The following GC variants were observed in gnomAD, a reference collection of about 807,000 sequenced individuals.
The protein encoded by GC is GC vitamin D binding protein, also known as vitamin D-binding protein.
A neutral mutation model predicts 56.7 loss-of-function variants in GC; 43 were observed. That is an observed-to-expected ratio of 0.76 (90% CI 0.59 to 0.98). The LOEUF (loss-of-function observed/expected upper bound fraction) is 0.98, where lower values mean the gene tolerates loss of function less well. GC is among the 50% of genes least tolerant of loss of function. GC has a pLI of 0.00. For synonymous variants in GC, 216 were observed against 202.7 expected (o/e 1.07, Z -0.56); for missense variants, 529 against 545.9 (o/e 0.97, Z 0.31).
At chr4:71,749,678 TTTAA>T (rs1417228871) in intron 11 of GC, among the ~76,000 whole-genome samples, 1 of 152,198 alleles carries the variant, frequency 6.6e-6, no homozygotes, top group Non-Finnish European at 1.5e-5. Flanking sequence ...AACTGTTCAA[TTTAA>T]TTAATTATTT....
chr4:71,744,026 AATTTC>A (rs555055037), intron 12 of GC, among the ~76,000 whole-genome samples: 12 of 152,292 alleles, frequency 7.9e-5, no homozygotes, highest in Admixed American at 2.0e-4. Flanking sequence ...AATGATAAGA[AATTTC>A]ATTTCTTCAT....
At chr4:71,803,978 C>T in exon 1 of GC, 2 of 1,407,144 alleles carry the variant, frequency 1.4e-6, no homozygotes, top group East Asian at 5.0e-5. Flanking sequence ...CAGATCATCA[C>T]CAGTGGTAGA....
At chr4:71,773,509 G>C (rs1439662468) in intron 1 of GC, among the ~76,000 whole-genome samples, 2 of 151,956 alleles carry the variant, frequency 1.3e-5, no homozygotes, top group Non-Finnish European at 2.9e-5. Context: ...ACTTACAATG[G>C]AACCCAAAAT....
At chr4:71,747,105 A>G (rs1356205132) in intron 11 of GC, among the ~76,000 whole-genome samples, 1 of 152,156 alleles carries the variant, frequency 6.6e-6, no homozygotes, top group Non-Finnish European at 1.5e-5. Context: ...GAGTCACTAA[A>G]TTTTCATCGT....
intron 1 of GC, among the ~76,000 whole-genome samples, chr4:71,770,903 C>T (rs1489855178): frequency 6.6e-6 from 1 of 152,148 alleles, no homozygotes; most frequent in Admixed American, 6.6e-5. Context: ...ATTCACGCTA[C>T]AGGGAAGAGC....
At chr4:71,741,965 A>G in intron 12 of GC, 95 bp from the exon 13 acceptor site, 1 of 696,046 alleles carries the variant, frequency 1.4e-6, no homozygotes, top group Non-Finnish European at 2.6e-6. Context: ...AACTCATGCT[A>G]TTTTAATATT....
chr4:71,790,243 A>C (rs1251702554), intron 1 of GC, among the ~76,000 whole-genome samples: 1 of 152,012 alleles, frequency 6.6e-6, no homozygotes, highest in Non-Finnish European at 1.5e-5. Flanking sequence ...TTTTGCCATT[A>C]CTTACAATGG....
intron 1 of GC, among the ~76,000 whole-genome samples, chr4:71,783,424 G>A (rs1206742714): frequency 6.6e-6 from 1 of 151,668 alleles, no homozygotes; most frequent in Non-Finnish European, 1.5e-5. Context: ...TTGTGGTTAT[G>A]TTTCATAGCT....
chr4:71,796,424 G>A (rs962374435), intron 1 of GC, among the ~76,000 whole-genome samples: 19 of 152,036 alleles, frequency 1.2e-4, no homozygotes, highest in African/African-American at 3.1e-4. Flanking sequence ...ATCTTCAATC[G>A]CTGATATCCT....
intron 12 of GC, among the ~76,000 whole-genome samples, chr4:71,745,831 A>G (rs1369761449): frequency 6.6e-6 from 1 of 152,118 alleles, no homozygotes; most frequent in Admixed American, 6.6e-5. Context: ...CTTTAAACTC[A>G]GAGTTCTTCC....
chr4:71,770,907 G>A lies in GC; in HGVS notation c.59-1507C>T, dbSNP rs16846994. 0.015 allele frequency among the ~76,000 whole-genome samples: 2,351 copies of A among 152,222 alleles called. 100 individuals carry two copies. The East Asian group carries it at 0.16, about 10-fold the overall frequency. On this transcript the variant is annotated intron_variant, in intron 1 of 12. Transcript: ENST00000273951. ...CTCTTGAGTTCATTCACGCTACAGG[G>A]AAGAGCTAGTTACTAATCATGAGAC... is the stretch of plus-strand genomic sequence containing the variant.
rs1165076401 is a variant in GC, at chr4:71,769,384, C to T, written c.75G>A (p.Lys25=). The T allele has an allele frequency of 6.2e-7, 1 of 1,612,582 alleles. No homozygotes were observed. The highest frequency in any genetic ancestry group is 1.1e-5 in the South Asian group (1 of 90,994). ...HALERGRDYE[K]NKVCKEFSHL... ...GGGAGAATTCCTTGCAGACTTTATTCTTTTCATAATCCCGGCCTAGGAGGC... is the reference window on the plus strand; with the variant it reads ...GGGAGAATTCCTTGCAGACTTTATTTTTTTCATAATCCCGGCCTAGGAGGC... The change falls in exon 2 of 13, where the codon AAG becomes AAA. Residue 25 remains lysine (K), a synonymous_variant. Transcript: ENST00000273951.
intron 12 of GC, among the ~76,000 whole-genome samples, chr4:71,743,173 A>G (rs1741244355): frequency 1.3e-5 from 2 of 152,202 alleles, no homozygotes; most frequent in African/African-American, 4.8e-5. Flanking sequence ...ACTGGAAGAC[A>G]TGAATTGTAG....
rs1741190214 is a variant in GC at position 71,741,710 on chromosome 4, A to T, written c.*186T>A. ...CAGTCATATTTATGGTTTGCATTAT[A>T]TTTCAATTTATTTTGATAGCAAATC... On this transcript the variant is annotated 3_prime_UTR_variant, in exon 13 of 13. Coordinates refer to ENST00000273951, the MANE Select transcript of GC (RefSeq NM_000583.4). 3.0e-6 allele frequency: 2 copies of T among 663,720 alleles called. No homozygotes were observed. The highest frequency in any genetic ancestry group is 5.4e-6 in the Non-Finnish European group (2 of 368,506). The allele number at this position is 663,720 out of a possible 1,614,324, so 41.1% of individuals were successfully genotyped here.
intron 6 of GC, among the ~76,000 whole-genome samples, chr4:71,760,243 G>A (rs1156817683): frequency 3.3e-5 from 5 of 150,450 alleles, no homozygotes; most frequent in Admixed American, 2.6e-4. Context: ...TAGTAGAGAC[G>A]GGGTTTCATC....
chr4:71,746,337 A>T (rs1741363184), intron 11 of GC, 132 bp from the exon 12 acceptor site: 1 of 536,698 alleles, frequency 1.9e-6, no homozygotes, highest in South Asian at 2.9e-5. Context: ...GCAATGTTAC[A>T]TTGCAGTTTT....
chr4:71,763,260 G>T (rs953446539), intron 6 of GC, 148 bp downstream of exon 6: 2 of 428,654 alleles, frequency 4.7e-6, no homozygotes, highest in Non-Finnish European at 8.3e-6. Flanking sequence ...AAGAAAACGA[G>T]AATTTGGCCA....
intron 1 of GC, among the ~76,000 whole-genome samples, chr4:71,772,393 C>A (rs114795365): frequency 5.3e-5 from 8 of 152,082 alleles, no homozygotes; most frequent in African/African-American, 1.4e-4. Flanking sequence ...AAATGGGGTA[C>A]CCCCGATGAA....
intron 4 of GC, 41 bp from the exon 5 acceptor site, chr4:71,763,977 T>A: frequency 6.5e-7 from 1 of 1,530,124 alleles, no homozygotes. Context: ...AATTTGTGAA[T>A]AAACAAAATC....
Sources: allele counts gnomAD v4.1 joint callset (sites outside exome capture counted in the v4.1 genomes callset), GRCh38; gene constraint gnomAD v4.1.1; transcripts MANE v1.5; gene names NCBI Gene and HGNC (gene_info 2026-07-23, HGNC 2026-07-21).